Variants in TMPRSS2 observed in about 807,000 individuals in gnomAD.
TMPRSS2 encodes the protein transmembrane serine protease 2.
TMPRSS2 carries 59 observed loss-of-function variants against 67.4 expected under a neutral mutation model. The observed-to-expected ratio is 0.88, with a 90% CI of 0.71 to 1.09. The LOEUF is 1.09. Ranked by LOEUF, TMPRSS2 falls within the 50% of genes least tolerant of loss-of-function variation. The pLI is 0.00. For synonymous variants in TMPRSS2, 257 were observed against 257.0 expected, an observed-to-expected ratio of 1.00 and a Z score of 0.00; for missense variants, 668 against 642.7, an observed-to-expected ratio of 1.04 and a Z score of -0.43.
intron 9 of TMPRSS2, 33 bp from the exon 10 acceptor site, chr21:41,472,014 C>A: frequency 6.5e-7 from 1 of 1,548,524 alleles, no homozygotes. Context: ...TATCTCAGAG[C>A]CATAAACACA....
intron 2 of TMPRSS2, among the ~76,000 whole-genome samples, chr21:41,496,457 G>C (rs1021972132): frequency 5.9e-5 from 9 of 152,228 alleles, no homozygotes; most frequent in African/African-American, 2.2e-4. Flanking sequence ...AGGGTAGAAA[G>C]GTGTAGCTAA....
intron 3 of TMPRSS2, among the ~76,000 whole-genome samples, chr21:41,493,897 C>A (rs111917873): frequency 2.0e-5 from 3 of 152,350 alleles, no homozygotes; most frequent in African/African-American, 7.2e-5. Flanking sequence ...GACAACCGCA[C>A]CAGCCAGGTC....
intron 10 of TMPRSS2, among the ~76,000 whole-genome samples, chr21:41,471,047 G>A (rs563188125): frequency 1.3e-5 from 2 of 152,328 alleles, no homozygotes; most frequent in South Asian, 4.1e-4. Flanking sequence ...CACACAGGAG[G>A]CAACAGCCAA....
At chr21:41,494,599 T>G (rs376736732) in intron 2 of TMPRSS2, 21 bp from the exon 3 acceptor site, 13 of 1,607,614 alleles carry the variant, frequency 8.1e-6, no homozygotes, top group Non-Finnish European at 1.1e-5. Context: ...GAAAAGAAGA[T>G]GAATAATATA....
At chr21:41,504,175 A>C (rs1344027334) in intron 1 of TMPRSS2, among the ~76,000 whole-genome samples, 1 of 152,170 alleles carries the variant, frequency 6.6e-6, no homozygotes, top group East Asian at 1.9e-4. Context: ...TTTTCCACCT[A>C]GTCTGCCCTT....
At chr21:41,466,919 C>CATCCATGAGGCTCACATGGA (rs1328504664) in intron 13 of TMPRSS2, among the ~76,000 whole-genome samples, 2 of 152,194 alleles carry the variant, frequency 1.3e-5, no homozygotes, top group African/African-American at 4.8e-5. Flanking sequence ...TAAGCAGAGA[C>CATCCATGAGGCTCACATGGA]ATCCATGAGG....
intron 7 of TMPRSS2, among the ~76,000 whole-genome samples, chr21:41,477,178 G>C (rs1019485547): frequency 1.3e-5 from 2 of 152,134 alleles, no homozygotes; most frequent in Non-Finnish European, 2.9e-5. Context: ...GGGAAGACGC[G>C]GCCCCTGGCA....
chr21:41,502,852 A>T (rs2091433142), intron 1 of TMPRSS2, among the ~76,000 whole-genome samples: 1 of 152,174 alleles, frequency 6.6e-6, no homozygotes, highest in Non-Finnish European at 1.5e-5. Flanking sequence ...TCCCAAAGAG[A>T]TTACAAACTT....
At chr21:41,466,775 G>C (rs1012263616) in intron 13 of TMPRSS2, among the ~76,000 whole-genome samples, 2 of 152,226 alleles carry the variant, frequency 1.3e-5, no homozygotes, top group Admixed American at 1.3e-4. Flanking sequence ...AGACAGAATA[G>C]ACTGCTTTCT....
chr21:41,468,799 G>T, intron 11 of TMPRSS2: 1 of 444,092 alleles, frequency 2.3e-6, no homozygotes, highest in South Asian at 3.9e-5. Context: ...AAACTATAGG[G>T]CTCTATCAGT....
intron 13 of TMPRSS2, among the ~76,000 whole-genome samples, chr21:41,467,263 C>G (rs2091093037): frequency 6.6e-6 from 1 of 152,058 alleles, no homozygotes; most frequent in Admixed American, 6.6e-5. Flanking sequence ...GTGGCGCATG[C>G]CTGTAGTCCC....
intron 5 of TMPRSS2, 111 bp downstream of exon 5, chr21:41,488,283 G>T: frequency 1.6e-6 from 2 of 1,265,134 alleles, no homozygotes; most frequent in Non-Finnish European, 2.2e-6. Context: ...ATGACATCAT[G>T]TGTCAGCGTA....
At chr21:41,476,651 C>T (rs772264071) in intron 7 of TMPRSS2, 31 bp from the exon 8 acceptor site, 24 of 1,601,716 alleles carry the variant, frequency 1.5e-5, no homozygotes, top group South Asian at 1.2e-4. Flanking sequence ...ATTCTGGTCA[C>T]GATAGTGCGG....
At chr21:41,488,803 AATTTTTGT>A (rs1256588355) in intron 4 of TMPRSS2, among the ~76,000 whole-genome samples, 1 of 151,966 alleles carries the variant, frequency 6.6e-6, no homozygotes, top group Non-Finnish European at 1.5e-5. Flanking sequence ...ACGCCTGACT[AATTTTTGT>A]ATTTTTAGTA....
chr21:41,479,404 A>G (rs1006164304), intron 6 of TMPRSS2, 122 bp from the exon 7 acceptor site: 6 of 710,228 alleles, frequency 8.4e-6, no homozygotes, highest in African/African-American at 7.2e-5. Context: ...AGCATTTAGG[A>G]AAAAAAATCA....
At chr21:41,468,067 AG>A (rs2091099369) in intron 12 of TMPRSS2, 181 bp from the exon 13 acceptor site, 2 of 653,420 alleles carry the variant, frequency 3.1e-6, no homozygotes, top group Admixed American at 5.9e-5. Flanking sequence ...CCAAAGAGAT[AG>A]CCCCCATCCT....
At chr21:41,480,450 C>T in intron 6 of TMPRSS2, 26 bp downstream of exon 6, 2 of 1,609,108 alleles carry the variant, frequency 1.2e-6, no homozygotes, top group Non-Finnish European at 1.7e-6. Flanking sequence ...GTTACTGTCA[C>T]TCGGCGGGTG....
chr21:41,496,714 G>C (rs914184), intron 2 of TMPRSS2, among the ~76,000 whole-genome samples: 1 of 151,610 alleles, frequency 6.6e-6, no homozygotes, highest in East Asian at 1.9e-4. Flanking sequence ...AGCTCTCCCC[G>C]GTTACCTGTT....
chr21:41,466,329 G>A (rs1313789618), intron 13 of TMPRSS2, among the ~76,000 whole-genome samples, 176 bp from the exon 14 acceptor site: 1 of 152,206 alleles, frequency 6.6e-6, no homozygotes, highest in Non-Finnish European at 1.5e-5. Flanking sequence ...GAGCATGGCG[G>A]GGCAGGAGCT....
Sources: gnomAD v4.1 joint callset for allele counts (sites outside exome capture counted in the v4.1 genomes callset) on GRCh38, gnomAD v4.1.1 for gene constraint, MANE v1.5 for transcripts, NCBI Gene and HGNC (gene_info 2026-07-23, HGNC 2026-07-21) for gene names.